The following ATRNL1 variants were observed in gnomAD, a reference collection of about 807,000 sequenced individuals.
ATRNL1 encodes the protein attractin like 1.
Under a neutral mutation model 182.7 loss-of-function variants are expected in ATRNL1, and 95 were observed. The ratio of observed to expected loss-of-function variants is 0.52; its 90% confidence interval spans 0.44 to 0.62. The LOEUF (loss-of-function observed/expected upper bound fraction) is 0.62, where lower values mean the gene tolerates loss of function less well. ATRNL1 is among the 20% of genes least tolerant of loss of function. The pLI is 0.00. For synonymous variants in ATRNL1, 576 were observed against 568.3 expected (o/e 1.01, Z -0.19); for missense variants, 1,471 against 1,679.5 (o/e 0.88, Z 2.17).
intron 5 of ATRNL1, among the ~76,000 whole-genome samples, chr10:115,143,323 A>T (rs782672846): frequency 6.6e-6 from 1 of 152,210 alleles, no homozygotes; most frequent in Non-Finnish European, 1.5e-5. Flanking sequence ...AGGACAATGT[A>T]AAATGAACAA....
At chr10:115,816,048 G>C (rs995781959) in intron 27 of ATRNL1, among the ~76,000 whole-genome samples, 1 of 152,206 alleles carries the variant, frequency 6.6e-6, no homozygotes, top group East Asian at 1.9e-4. Flanking sequence ...GACTAACCAA[G>C]ACAATTTTGA....
At chr10:115,613,160 T>C (rs1438570750) in intron 26 of ATRNL1, among the ~76,000 whole-genome samples, 1 of 152,222 alleles carries the variant, frequency 6.6e-6, no homozygotes, top group East Asian at 1.9e-4. Flanking sequence ...TCCAAAGGTG[T>C]TGGCTATCAT....
At chr10:115,484,575 G>C (rs980677571) in intron 24 of ATRNL1, among the ~76,000 whole-genome samples, 7 of 151,658 alleles carry the variant, frequency 4.6e-5, no homozygotes, top group Admixed American at 2.0e-4. Context: ...CCCAATGAGT[G>C]CTTCTTTAAC....
intron 10 of ATRNL1, among the ~76,000 whole-genome samples, chr10:115,263,588 T>C (rs1554909419): frequency 6.6e-6 from 1 of 151,840 alleles, no homozygotes; most frequent in Non-Finnish European, 1.5e-5. Flanking sequence ...TGGATTCTTA[T>C]AAAGACCATT....
chr10:115,866,505 A>G (rs186551816), intron 28 of ATRNL1, among the ~76,000 whole-genome samples: 272 of 152,304 alleles, frequency 1.8e-3, no homozygotes, highest in African/African-American at 2.5e-3. Flanking sequence ...TACTGTGTCT[A>G]TTTGACAAAT....
chr10:115,146,679 A>T (rs1554879441), intron 5 of ATRNL1, among the ~76,000 whole-genome samples: 5 of 151,606 alleles, frequency 3.3e-5, no homozygotes, highest in Non-Finnish European at 7.4e-5. Context: ...CATGAGATCA[A>T]CTCTTTTAAC....
intron 17 of ATRNL1, among the ~76,000 whole-genome samples, chr10:115,307,947 C>CGTCT (rs1853818332): frequency 6.6e-6 from 1 of 151,894 alleles, no homozygotes; most frequent in South Asian, 2.1e-4. Flanking sequence ...TTCTACTACA[C>CGTCT]GTCTATTCAT....
intron 8 of ATRNL1, among the ~76,000 whole-genome samples, chr10:115,202,239 A>C (rs1554892582): frequency 1.3e-5 from 2 of 151,620 alleles, no homozygotes; most frequent in African/African-American, 4.9e-5. Context: ...CTCCTGCCTA[A>C]TTGCCCTGGC....
At chr10:115,359,904 A>T (rs1856658970) in intron 19 of ATRNL1, among the ~76,000 whole-genome samples, 1 of 151,642 alleles carries the variant, frequency 6.6e-6, no homozygotes. Flanking sequence ...TCACTTTACC[A>T]TAACATATGT....
chr10:115,400,449 C>G (rs1158587009), intron 20 of ATRNL1, among the ~76,000 whole-genome samples: 1 of 152,024 alleles, frequency 6.6e-6, no homozygotes, highest in East Asian at 1.9e-4. Flanking sequence ...CTGCCTGTAT[C>G]TATGAGATCC....
intron 21 of ATRNL1, among the ~76,000 whole-genome samples, chr10:115,447,081 A>G (rs1647519085): frequency 6.6e-6 from 1 of 151,894 alleles, no homozygotes; most frequent in African/African-American, 2.4e-5. Flanking sequence ...AAAGTTTTCC[A>G]AAAGGTGTTC....
At chr10:115,913,975 A>G (rs1380972523) in intron 28 of ATRNL1, among the ~76,000 whole-genome samples, 1 of 152,192 alleles carries the variant, frequency 6.6e-6, no homozygotes, top group Non-Finnish European at 1.5e-5. Flanking sequence ...TTGAATTGTA[A>G]CACAAATTCT....
chr10:115,795,228 A>G (rs1016827142), intron 27 of ATRNL1, among the ~76,000 whole-genome samples: 6 of 152,198 alleles, frequency 3.9e-5, no homozygotes, highest in East Asian at 3.9e-4. Context: ...ATAGCTATGT[A>G]TATATACATT....
intron 17 of ATRNL1, 34 bp from the exon 18 acceptor site, chr10:115,315,484 T>A: frequency 7.0e-7 from 1 of 1,434,116 alleles, no homozygotes; most frequent in East Asian, 2.3e-5. Context: ...TATATAGTCA[T>A]GTTAACATAT....
rs1950026319 is a variant in ATRNL1 at position 115,810,647 on chromosome 10, TA to T, written c.3904-37229del. On this transcript the variant is annotated intron_variant, in intron 27 of 28. Coordinates refer to ENST00000355044, the MANE Select transcript of ATRNL1 (RefSeq NM_207303.4). ...CCACAAGTGTTTATACATGTGAATA[TA>T]TATAATATTCTTTAATAAATTCTAT... Among the ~76,000 whole-genome samples the T allele has an allele frequency of 2.0e-5, 3 of 152,020 alleles. No homozygotes were observed. The South Asian group carries it at 6.2e-4, about 32-fold the overall frequency.
chr10:115,796,371 T>C (rs1949654360), intron 27 of ATRNL1, among the ~76,000 whole-genome samples: 1 of 152,028 alleles, frequency 6.6e-6, no homozygotes, highest in South Asian at 2.1e-4. Flanking sequence ...TACCTTGCTC[T>C]GCTGCCCCTA....
intron 28 of ATRNL1, among the ~76,000 whole-genome samples, chr10:115,861,678 G>T (rs1461603160): frequency 1.3e-5 from 2 of 152,074 alleles, no homozygotes; most frequent in African/African-American, 4.8e-5. Flanking sequence ...CGCAATACAT[G>T]ATTTTTTCTA....
intron 5 of ATRNL1, among the ~76,000 whole-genome samples, chr10:115,151,143 C>T (rs1846208290): frequency 6.6e-6 from 1 of 152,120 alleles, no homozygotes; most frequent in Non-Finnish European, 1.5e-5. Flanking sequence ...TGGGTTGGTC[C>T]CAAGTCTTTG....
intron 28 of ATRNL1, among the ~76,000 whole-genome samples, chr10:115,903,178 C>T (rs556281419): frequency 6.6e-5 from 10 of 152,320 alleles, no homozygotes; most frequent in African/African-American, 2.4e-4. Context: ...GTGACTAGCT[C>T]TCCATGCTGT....
Sources: gnomAD v4.1 joint callset for allele counts (sites outside exome capture counted in the v4.1 genomes callset) on GRCh38, gnomAD v4.1.1 for gene constraint, MANE v1.5 for transcripts, NCBI Gene and HGNC (gene_info 2026-07-23, HGNC 2026-07-21) for gene names.